Variants in NUDCD1 observed in about 807,000 individuals in gnomAD.
The protein encoded by NUDCD1 is NudC domain containing 1.
Under a neutral mutation model 67.8 loss-of-function variants are expected in NUDCD1, and 60 were observed. That is an observed-to-expected ratio of 0.88 (90% CI 0.72 to 1.10). The LOEUF (loss-of-function observed/expected upper bound fraction) is 1.10. NUDCD1 is among the 50% of genes least tolerant of loss of function. The pLI is 0.00. For synonymous variants in NUDCD1, 244 were observed against 230.8 expected (o/e 1.06, Z -0.52); for missense variants, 643 against 695.0 (o/e 0.93, Z 0.84).
At chr8:109,318,666 T>C (rs556239801) in intron 2 of NUDCD1, among the ~76,000 whole-genome samples, 1 of 152,350 alleles carries the variant, frequency 6.6e-6, no homozygotes, top group South Asian at 2.1e-4. Context: ...CTATCTGTTT[T>C]AGGAGTCACC....
chr8:109,290,821 A>T (rs1316474714), intron 4 of NUDCD1, among the ~76,000 whole-genome samples: 3 of 152,204 alleles, frequency 2.0e-5, no homozygotes, highest in Non-Finnish European at 4.4e-5. Context: ...ATCACAACTT[A>T]ATGTCATATT....
At chr8:109,318,816 C>T (rs1815463011) in intron 2 of NUDCD1, among the ~76,000 whole-genome samples, 1 of 152,134 alleles carries the variant, frequency 6.6e-6, no homozygotes, top group South Asian at 2.1e-4. Flanking sequence ...AAAGCCAACT[C>T]CCAACAGTAA....
At chr8:109,281,899 A>C (rs960972922) in intron 5 of NUDCD1, among the ~76,000 whole-genome samples, 3 of 152,044 alleles carry the variant, frequency 2.0e-5, no homozygotes, top group Admixed American at 2.0e-4. Flanking sequence ...GTTAACCTAC[A>C]TCTCCTGTGC....
intron 3 of NUDCD1, among the ~76,000 whole-genome samples, chr8:109,294,984 C>G (rs1814808068): frequency 6.6e-6 from 1 of 152,060 alleles, no homozygotes; most frequent in Non-Finnish European, 1.5e-5. Context: ...CTCCCTCTCC[C>G]ACCAGTATCT....
chr8:109,249,814 T>TA (rs953809992), intron 8 of NUDCD1, among the ~76,000 whole-genome samples: 2 of 150,320 alleles, frequency 1.3e-5, no homozygotes, highest in African/African-American at 4.9e-5. Flanking sequence ...AGAATCCCAT[T>TA]AAAAAATGAG....
At chr8:109,246,627 C>T (rs999796623) in intron 8 of NUDCD1, among the ~76,000 whole-genome samples, 3 of 152,162 alleles carry the variant, frequency 2.0e-5, no homozygotes, top group African/African-American at 7.2e-5. Flanking sequence ...ATTTCATCTA[C>T]AGCAATACTT....
At chr8:109,252,575 T>C (rs1182272040) in intron 8 of NUDCD1, among the ~76,000 whole-genome samples, 1 of 152,150 alleles carries the variant, frequency 6.6e-6, no homozygotes, top group Non-Finnish European at 1.5e-5. Context: ...ATAAAGAAGA[T>C]CCTTTAAGTG....
At chr8:109,307,648 A>G (rs971920308) in intron 2 of NUDCD1, among the ~76,000 whole-genome samples, 4 of 152,206 alleles carry the variant, frequency 2.6e-5, no homozygotes, top group African/African-American at 9.7e-5. Context: ...CAATACTAAC[A>G]TTGAATGTAA....
At chr8:109,270,076 G>T (rs1277727275) in intron 8 of NUDCD1, among the ~76,000 whole-genome samples, 6 of 81,876 alleles carry the variant, frequency 7.3e-5, no homozygotes, top group East Asian at 7.9e-4. Context: ...GCGGGGGGGG[G>T]GGGGGGTGCC....
chr8:109,273,483 CTAAG>C (rs1292524983), intron 7 of NUDCD1, among the ~76,000 whole-genome samples: 1 of 151,904 alleles, frequency 6.6e-6, no homozygotes, highest in Non-Finnish European at 1.5e-5. Context: ...CAAAAATCAA[CTAAG>C]TATCACCTTC....
chr8:109,292,928 G>A (rs567292791), intron 4 of NUDCD1, among the ~76,000 whole-genome samples: 54 of 151,968 alleles, frequency 3.6e-4, no homozygotes, highest in Middle Eastern at 3.4e-3. Flanking sequence ...GTACTTTAAT[G>A]AAATAAAGAC....
chr8:109,324,539 T>C (rs943928820), intron 1 of NUDCD1, among the ~76,000 whole-genome samples: 1 of 152,106 alleles, frequency 6.6e-6, no homozygotes, highest in African/African-American at 2.4e-5. Flanking sequence ...TATACCACAA[T>C]AGGCACTCCC....
Position 109,286,055 on chromosome 8 carries a change from CAAT to C in NUDCD1, c.823+3693_823+3695del, listed in dbSNP as rs564517197. 3.3e-3 allele frequency among the ~76,000 whole-genome samples: 503 copies of C among 151,252 alleles called. 2 individuals carry two copies. The highest frequency in any genetic ancestry group is 0.01 in the Middle Eastern group (3 of 292). ...ACACAATCCCATTTACTGTAGCTGC[CAAT>C]AATAATAATAATAATAAAATACCTA... On this transcript the variant is annotated intron_variant, in intron 5 of 9. Transcript: ENST00000239690.
rs986203550 is a variant in NUDCD1, at chr8:109,333,924, C to G, written c.87G>C (p.Pro29=). 8 of 1,614,086 alleles carry G rather than the reference C, an allele frequency of 5.0e-6. No individual in the cohort carries two copies. Among genetic ancestry groups the G allele is most frequent in the Non-Finnish European group, 5.1e-6 (6 of 1,179,934 alleles). Residue 29 remains proline (P), a synonymous_variant, in exon 1 of 10, where the codon CCG becomes CCC. Coordinates refer to ENST00000239690, the MANE Select transcript of NUDCD1 (RefSeq NM_032869.4). The part of the protein sequence containing the change: ...RFEGYKLSLE[P]LPCYQLELDA... ...CAAGCTCCAGCTGGTAACAAGGCAG[C>G]GGCTCAAGAGAGAGCTTGTAACCCT...
intron 2 of NUDCD1, among the ~76,000 whole-genome samples, chr8:109,307,147 T>C (rs1563679767): frequency 6.6e-6 from 1 of 152,210 alleles, no homozygotes; most frequent in East Asian, 1.9e-4. Flanking sequence ...TAGCCTTAAC[T>C]GATGACATTC....
At chr8:109,248,623 G>A (rs2980594) in intron 8 of NUDCD1, among the ~76,000 whole-genome samples, 1 of 150,278 alleles carries the variant, frequency 6.7e-6, no homozygotes, top group Non-Finnish European at 1.5e-5. Context: ...AGAGCTTCTA[G>A]ACTTAGTACA....
intron 8 of NUDCD1, among the ~76,000 whole-genome samples, chr8:109,265,654 C>T (rs1369541503): frequency 2.6e-5 from 4 of 152,104 alleles, no homozygotes; most frequent in Non-Finnish European, 5.9e-5. Flanking sequence ...TTTTTTGGCA[C>T]CAAGGACACA....
intron 2 of NUDCD1, among the ~76,000 whole-genome samples, chr8:109,302,419 C>T (rs1458210937): frequency 6.6e-6 from 1 of 152,006 alleles, no homozygotes; most frequent in African/African-American, 2.4e-5. Flanking sequence ...GTCTCCACCC[C>T]AAGCTCTGAG....
intron 1 of NUDCD1, among the ~76,000 whole-genome samples, chr8:109,327,995 T>C (rs1022502387): frequency 6.6e-6 from 1 of 152,224 alleles, no homozygotes; most frequent in Non-Finnish European, 1.5e-5. Context: ...CTTAAAAATA[T>C]ACATTGAATA....
Sources: gnomAD v4.1 joint callset for allele counts (sites outside exome capture counted in the v4.1 genomes callset) on GRCh38, gnomAD v4.1.1 for gene constraint, MANE v1.5 for transcripts, NCBI Gene and HGNC (gene_info 2026-07-23, HGNC 2026-07-21) for gene names.